The following MOB3A variants were observed in gnomAD, a reference collection of about 807,000 sequenced individuals.
MOB3A encodes the protein MOB LAK.
In MOB3A, 17 loss-of-function variants were observed where a neutral mutation model predicts 17.8. The observed-to-expected ratio is 0.95, with a 90% CI of 0.65 to 1.43. The LOEUF (loss-of-function observed/expected upper bound fraction) is 1.43, where lower values mean the gene tolerates loss of function less well. Ranked by LOEUF, MOB3A falls within the 40% of genes most tolerant of loss-of-function variation. The pLI is 0.00. For missense variants in MOB3A, 333 were observed against 310.8 expected (o/e 1.07, Z -0.54); for synonymous variants, 124 against 133.2 (o/e 0.93, Z 0.48).
rs2017638395 is a variant in MOB3A, at chr19:2,093,770, G to A, written c.-274+2456C>T. On this transcript the variant is annotated intron_variant, in intron 1 of 4. Transcript: ENST00000357066. The surrounding 1 kb of genome is among the most constrained non-coding windows in gnomAD (Gnocchi z 4.6). Reference sequence around the variant, plus strand: ...AAGAGAGGGAGCTGGGAAGGGTGCAGTGGAACGGGTGTTGCTTGAGGTGGG... The same window carrying A: ...AAGAGAGGGAGCTGGGAAGGGTGCAATGGAACGGGTGTTGCTTGAGGTGGG... Among the ~76,000 whole-genome samples the A allele has an allele frequency of 6.6e-6, 1 of 152,218 alleles. No homozygotes were observed. Among genetic ancestry groups the A allele is most frequent in the South Asian group, 2.1e-4 (1 of 4,832 alleles).
intron 1 of MOB3A, among the ~76,000 whole-genome samples, chr19:2,089,905 G>GC (rs1173378663): frequency 6.6e-6 from 1 of 151,768 alleles, no homozygotes; most frequent in African/African-American, 2.4e-5. Context: ...GCCAGGGGCA[G>GC]CCCCTCCTCT....
chr19:2,084,959 C>T (rs372716438), intron 2 of MOB3A, among the ~76,000 whole-genome samples: 63 of 152,114 alleles, frequency 4.1e-4, no homozygotes, highest in African/African-American at 1.4e-3. Context: ...CCTGGCCTCA[C>T]GCAATCCTCC....
chr19:2,083,728 C>T (rs1293565925), intron 2 of MOB3A, among the ~76,000 whole-genome samples: 1 of 152,244 alleles, frequency 6.6e-6, no homozygotes, highest in Non-Finnish European at 1.5e-5. Flanking sequence ...AAAACCCAAC[C>T]TGCCACAGCC....
At chr19:2,095,252 G>A (rs1011583798) in intron 1 of MOB3A, 1 of 152,472 alleles carries the variant, frequency 6.6e-6, no homozygotes. Flanking sequence ...CCCAGGATGA[G>A]CTGCGGCTTG....
At chr19:2,083,056 A>G (rs920551919) in intron 2 of MOB3A, among the ~76,000 whole-genome samples, 1 of 152,268 alleles carries the variant, frequency 6.6e-6, no homozygotes, top group East Asian at 1.9e-4. Flanking sequence ...TATGTTGCCT[A>G]GGCTGGTCTT....
intron 3 of MOB3A, among the ~76,000 whole-genome samples, 174 bp downstream of exon 3, chr19:2,077,966 G>T (rs1227577730): frequency 6.6e-6 from 1 of 152,010 alleles, no homozygotes; most frequent in Non-Finnish European, 1.5e-5. Context: ...AAAATTTTTT[G>T]TAGAGATGGG....
rs1479677177 is a variant in MOB3A, at chr19:2,088,251, G to A, written c.-273-2923C>T. On this transcript the variant is annotated intron_variant, in intron 1 of 4. Transcript: ENST00000357066. Reference sequence around the variant, plus strand: ...GCCTTGAATGTCCACAGTGCCGAGGGGGACAAAGCTTGTCCTGCGAGTGGC... The same window carrying A: ...GCCTTGAATGTCCACAGTGCCGAGGAGGACAAAGCTTGTCCTGCGAGTGGC... Among the ~76,000 whole-genome samples, 6 of 152,312 alleles carry A rather than the reference G, an allele frequency of 3.9e-5. No individual in the cohort carries two copies. In the South Asian group the frequency reaches 1.0e-3, roughly 26 times the overall value.
At chr19:2,076,543 G>A (rs1362349945) in intron 4 of MOB3A, among the ~76,000 whole-genome samples, 1 of 152,228 alleles carries the variant, frequency 6.6e-6, no homozygotes, top group African/African-American at 2.4e-5. Flanking sequence ...CTGAGCTCAG[G>A]ACGGTGAAGG....
At chr19:2,077,101 A>C in intron 3 of MOB3A, 88 bp from the exon 4 acceptor site, 1 of 1,233,386 alleles carries the variant, frequency 8.1e-7, no homozygotes, top group East Asian at 2.5e-5. Context: ...AGGGGCTTCC[A>C]GACAGAAATT....
intron 3 of MOB3A, 53 bp from the exon 4 acceptor site, chr19:2,077,066 G>C (rs1371109320): frequency 6.6e-7 from 1 of 1,514,398 alleles, no homozygotes; most frequent in South Asian, 1.2e-5. Flanking sequence ...TCCATGTCCA[G>C]AACCCTTTGC....
intron 1 of MOB3A, among the ~76,000 whole-genome samples, chr19:2,086,331 C>T (rs116105280): frequency 0.014 from 1,970 of 138,738 alleles, 52 homozygotes; most frequent in African/African-American, 0.048. Flanking sequence ...TGAACCATAA[C>T]GCCCAGCCTC....
In MOB3A at chr19:2,083,275, C is replaced by A. The variant is rs543265077; in HGVS notation, c.-120+1900G>T. ...CCCCGGGGCCGGGGAGCCCGGGACG[C>A]ATCCACGCTGTGGCTGAGCAGGTGG... On this transcript the variant is annotated intron_variant, in intron 2 of 4. Coordinates refer to ENST00000357066, the MANE Select transcript of MOB3A (RefSeq NM_130807.3). Among the ~76,000 whole-genome samples, 24 of 152,356 alleles carry A rather than the reference C, an allele frequency of 1.6e-4. No homozygotes were observed. The South Asian group carries it at 4.3e-3, about 28-fold the overall frequency.
chr19:2,081,033 G>A (rs2017480639), intron 2 of MOB3A, among the ~76,000 whole-genome samples: 1 of 152,060 alleles, frequency 6.6e-6, no homozygotes. Flanking sequence ...TCCCAGAACT[G>A]AGGTGGGAGG....
At chr19:2,076,164 C>T (rs2017403667) in intron 4 of MOB3A, among the ~76,000 whole-genome samples, 1 of 150,112 alleles carries the variant, frequency 6.7e-6, no homozygotes, top group Non-Finnish European at 1.5e-5. Flanking sequence ...CACAGTGGCT[C>T]CCGCCTGTAA....
In MOB3A at chr19:2,084,575, G is replaced by A. The variant is rs1398807079; in HGVS notation, c.-120+600C>T. Among the ~76,000 whole-genome samples the A allele has an allele frequency of 4.6e-5, 7 of 152,132 alleles. No individual in the cohort carries two copies. The South Asian group carries it at 1.5e-3, about 32-fold the overall frequency. ...GTGGACTGGCAGAGTTCCCGTCACAGCAGACGGTTTTTTTTTTCCTTTTTA... is the reference window on the plus strand; with the variant it reads ...GTGGACTGGCAGAGTTCCCGTCACAACAGACGGTTTTTTTTTTCCTTTTTA... On this transcript the variant is annotated intron_variant, in intron 2 of 4. Coordinates refer to ENST00000357066, the MANE Select transcript of MOB3A (RefSeq NM_130807.3).
At chr19:2,092,504 C>T (rs1347438913) in intron 1 of MOB3A, among the ~76,000 whole-genome samples, 2 of 152,030 alleles carry the variant, frequency 1.3e-5, no homozygotes, top group Admixed American at 6.6e-5. Context: ...GGGTGAGGCG[C>T]GGTGGCTTAC....
At chr19:2,075,564 T>C (rs2017394345) in intron 4 of MOB3A, among the ~76,000 whole-genome samples, 1 of 152,160 alleles carries the variant, frequency 6.6e-6, no homozygotes, top group Non-Finnish European at 1.5e-5. Flanking sequence ...CCCACATCCA[T>C]ACAGCGCCCA....
At chr19:2,085,594 G>C (rs2017543471) in intron 1 of MOB3A, 1 of 152,090 alleles carries the variant, frequency 6.6e-6, no homozygotes, top group Non-Finnish European at 1.5e-5. Flanking sequence ...TTCTAGGTCA[G>C]TGCACAACAC....
In MOB3A at chr19:2,071,790, G is replaced by T; in HGVS notation, c.*1605C>A. The T allele has an allele frequency of 6.5e-6, 1 of 154,092 alleles. No individual in the cohort carries two copies. The allele number at this position is 154,092 out of a possible 1,614,324, so 9.5% of individuals were successfully genotyped here. A position where few individuals can be genotyped will look rare whatever the true frequency, so the allele number is the denominator to read the frequency against. On this transcript the variant is annotated 3_prime_UTR_variant, in exon 5 of 5. Coordinates refer to ENST00000357066, the MANE Select transcript of MOB3A (RefSeq NM_130807.3). ...CAGAACTGGAAGATTCCAGACCAGG[G>T]GAGAGGCGTCCAGGGAGAGAAGAGT...
Sources: allele counts gnomAD v4.1 joint callset (sites outside exome capture counted in the v4.1 genomes callset), GRCh38; gene constraint gnomAD v4.1.1; non-coding constraint Gnocchi (gnomAD v3.1); transcripts MANE v1.5; gene names NCBI Gene and HGNC (gene_info 2026-07-23, HGNC 2026-07-21).